The following ALX4 variants were observed in gnomAD, a reference collection of about 807,000 sequenced individuals.
ALX4 encodes the protein homeobox protein aristaless-like 4.
A neutral mutation model predicts 40.6 loss-of-function variants in ALX4; 22 were observed. The ratio of observed to expected loss-of-function variants is 0.54; its 90% CI spans 0.39 to 0.77. ALX4 has a LOEUF of 0.77. ALX4 is among the 30% of genes least tolerant of loss of function. ALX4 has a pLI of 0.00. For missense variants in ALX4, 556 were observed against 564.8 expected (o/e 0.98, Z 0.16); for synonymous variants, 266 against 240.5 (o/e 1.11, Z -0.98).
chr11:44,267,537 G>A lies in ALX4; in HGVS notation c.863C>T (p.Ala288Val), dbSNP rs1231817169. 8.7e-6 allele frequency: 14 copies of A among 1,614,084 alleles called. No individual in the cohort carries two copies. Among genetic ancestry groups the A allele is most frequent in the Non-Finnish European group, 8.5e-6 (10 of 1,180,050 alleles). ...TCGGGTGAGGAGGGGCAGCTCATAT[G>A]CAGTGGAGAAGTGGGTTCGAACCTG... The part of the protein sequence containing the change: ...MQQVRTHFST[A>V]YELPLLTRAE... Residue 288 changes from alanine to valine, a missense_variant, in exon 3 of 4, where the codon GCA becomes GTA. By Grantham distance (64) the Ala-to-Val change is moderately conservative. Transcript: ENST00000652299.
chr11:44,300,862 A>T (rs2119887081), intron 1 of ALX4, among the ~76,000 whole-genome samples: 1 of 152,378 alleles, frequency 6.6e-6, no homozygotes, highest in South Asian at 2.1e-4. Context: ...GCCTGGACAA[A>T]TCCCAACTTC....
chr11:44,266,601 T>C (rs905456536), intron 3 of ALX4, among the ~76,000 whole-genome samples: 3 of 152,224 alleles, frequency 2.0e-5, no homozygotes, highest in South Asian at 4.1e-4. Flanking sequence ...CCCGTGCTAC[T>C]GGCTGGCTGC....
chr11:44,270,508 TA>T lies in ALX4; in HGVS notation c.778-2887del, dbSNP rs534995936. 2.7e-3 allele frequency among the ~76,000 whole-genome samples: 407 copies of T among 152,120 alleles called. 1 individual carries two copies. Among genetic ancestry groups the T allele is most frequent in the Non-Finnish European group, 4.3e-3 (292 of 67,972 alleles). ...GGCCGGTCCTCAATATCCTCCCCAG[TA>T]AATTGGAGGCAGCAAGGGTATCCTC... is the stretch of plus-strand genomic sequence containing the variant. On this transcript the variant is annotated intron_variant, in intron 2 of 3. Coordinates refer to ENST00000652299, the MANE Select transcript of ALX4 (RefSeq NM_021926.4).
At chr11:44,277,515 TG>T (rs1956284729) in intron 1 of ALX4, among the ~76,000 whole-genome samples, 1 of 152,106 alleles carries the variant, frequency 6.6e-6, no homozygotes, top group African/African-American at 2.4e-5. Context: ...CAAGCACGTG[TG>T]GTAGGTGTGA....
intron 2 of ALX4, among the ~76,000 whole-genome samples, chr11:44,269,852 AGCTCCGTCTTTCC>A (rs1308801672): frequency 6.6e-6 from 1 of 152,220 alleles, no homozygotes; most frequent in Non-Finnish European, 1.5e-5. Context: ...CTGCAGGCTT[AGCTCCGTCTTTCC>A]GCTCCTTCCT....
intron 1 of ALX4, among the ~76,000 whole-genome samples, chr11:44,279,997 G>A (rs1402751621): frequency 6.6e-6 from 1 of 152,202 alleles, no homozygotes; most frequent in East Asian, 1.9e-4. Context: ...CACCTTTGGT[G>A]AGCCGATGTT....
In ALX4 at chr11:44,275,595, C is replaced by T; in HGVS notation, c.530G>A (p.Ser177Asn). 6.2e-7 allele frequency: 1 copy of T among 1,614,026 alleles called. No homozygotes were observed. Among genetic ancestry groups the T allele is most frequent in the Non-Finnish European group, 8.5e-7 (1 of 1,179,928 alleles). The change falls in exon 2 of 4, where the codon AGC becomes AAC. Residue 177 changes from serine (S) to asparagine (N), a missense_variant. Transcript: ENST00000652299. Reference sequence around the variant, plus strand: ...AGCCTCCTTGACACTCAGGTAGCTGCTGTCCATCCCCACAGTGTCAGAGTC... The same window carrying T: ...AGCCTCCTTGACACTCAGGTAGCTGTTGTCCATCCCCACAGTGTCAGAGTC... ...PPDSDTVGMD[S>N]SYLSVKEAGV...
intron 1 of ALX4, among the ~76,000 whole-genome samples, chr11:44,292,077 A>G (rs950569250): frequency 3.3e-5 from 5 of 152,158 alleles, no homozygotes; most frequent in Admixed American, 6.5e-5. Context: ...TCGGCCTCCC[A>G]AAGTGCTGGG....
At chr11:44,285,744 A>G (rs747403535) in intron 1 of ALX4, among the ~76,000 whole-genome samples, 5 of 151,288 alleles carry the variant, frequency 3.3e-5, no homozygotes, top group Non-Finnish European at 5.9e-5. Context: ...TTCTGCTGTG[A>G]ATTCCCTCTC....
chr11:44,291,991 G>A (rs1565007008), intron 1 of ALX4, among the ~76,000 whole-genome samples: 1 of 151,942 alleles, frequency 6.6e-6, no homozygotes, highest in African/African-American at 2.4e-5. Context: ...GCTAATTTTT[G>A]TACTTTTAGT....
intron 2 of ALX4, among the ~76,000 whole-genome samples, chr11:44,270,130 G>A (rs781322165): frequency 6.6e-6 from 1 of 152,072 alleles, no homozygotes; most frequent in Non-Finnish European, 1.5e-5. Flanking sequence ...CTGGCAAAGG[G>A]GTCTAGAGTG....
Position 44,265,105 on chromosome 11 carries a change from G to T in ALX4, c.985C>A (p.Pro329Thr), listed in dbSNP as rs1207788593. The T allele has an allele frequency of 2.5e-6, 4 of 1,612,304 alleles. No homozygotes were observed. Among genetic ancestry groups the T allele is most frequent in the Non-Finnish European group, 3.4e-6 (4 of 1,179,662 alleles). Residue 329 changes from proline (P) to threonine (T), a missense_variant, in exon 4 of 4, where the codon CCT becomes ACT. Physicochemically the swap from Pro to Thr is conservative, Grantham distance 38. Coordinates refer to ENST00000652299, the MANE Select transcript of ALX4 (RefSeq NM_021926.4). ...TGGGCATGAGGGGACATGCAGGCAG[G>T]CACCGGGTCGCAGGGGACCACGCAG... ...PACVVPCDPV[P>T]ACMSPHAHPP...
chr11:44,297,610 G>A (rs1956410478), intron 1 of ALX4, among the ~76,000 whole-genome samples: 1 of 152,138 alleles, frequency 6.6e-6, no homozygotes, highest in African/African-American at 2.4e-5. Context: ...CAGCTACTTG[G>A]GAGGCTGAGG....
chr11:44,279,736 G>A (rs7126873), intron 1 of ALX4, among the ~76,000 whole-genome samples: 1,676 of 152,122 alleles, frequency 0.011, 29 homozygotes, highest in African/African-American at 0.038. Context: ...TCCATCCTCT[G>A]CTCACCCTCT....
intron 1 of ALX4, among the ~76,000 whole-genome samples, chr11:44,303,277 A>T (rs1956445363): frequency 6.6e-6 from 1 of 152,208 alleles, no homozygotes; most frequent in Non-Finnish European, 1.5e-5. Flanking sequence ...ATCTGCTTTA[A>T]GAATCCGATG....
intron 1 of ALX4, among the ~76,000 whole-genome samples, chr11:44,296,165 G>A (rs1338642944): frequency 6.6e-6 from 1 of 152,188 alleles, no homozygotes; most frequent in South Asian, 2.1e-4. Context: ...TCAAATACAT[G>A]CGCAATTGAT....
Position 44,290,722 on chromosome 11 carries a change from C to A in ALX4, c.467-15064G>T, listed in dbSNP as rs545690566. On this transcript the variant is annotated intron_variant, in intron 1 of 3. Transcript: ENST00000652299. Reference sequence around the variant, plus strand: ...GATTATTAAGGAGGCTCCCAAGCCACCTTGTGGTTCTGCCACAGAAGGGTA... The same window carrying A: ...GATTATTAAGGAGGCTCCCAAGCCAACTTGTGGTTCTGCCACAGAAGGGTA... Among the ~76,000 whole-genome samples, 402 of 152,342 alleles carry A rather than the reference C, an allele frequency of 2.6e-3. 2 individuals carry two copies. The highest frequency in any genetic ancestry group is 9.4e-3 in the African/African-American group (390 of 41,580).
chr11:44,266,257 C>T (rs1198165526), intron 3 of ALX4, among the ~76,000 whole-genome samples: 1 of 152,148 alleles, frequency 6.6e-6, no homozygotes, highest in Non-Finnish European at 1.5e-5. Context: ...GAACAGGGCC[C>T]TGTGTTGGGT....
chr11:44,309,541 G>T (rs1277431243), intron 1 of ALX4, 56 bp downstream of exon 1: 6 of 1,532,606 alleles, frequency 3.9e-6, no homozygotes, highest in Non-Finnish European at 5.2e-6. Context: ...TTCAAGGGAT[G>T]CGGAAGCCAA....
Sources: gnomAD v4.1 joint callset for allele counts (sites outside exome capture counted in the v4.1 genomes callset) on GRCh38, gnomAD v4.1.1 for gene constraint, MANE v1.5 for transcripts, NCBI Gene and HGNC (gene_info 2026-07-23, HGNC 2026-07-21) for gene names.